Variants in AGO3 observed in about 807,000 individuals in gnomAD.
The protein encoded by AGO3 is argonaute RISC catalytic component 3.
A neutral mutation model predicts 105.5 loss-of-function variants in AGO3; 16 were observed. The observed-to-expected ratio is 0.15, with a 90% CI of 0.10 to 0.23. The LOEUF (loss-of-function observed/expected upper bound fraction) is 0.23, where lower values mean the gene tolerates loss of function less well. Among genes scored for constraint, AGO3 ranks in the 10% least tolerant of loss-of-function variants. The pLI is 1.00. For missense variants in AGO3, 534 were observed against 1,088.0 expected (o/e 0.49, Z 7.16); for synonymous variants, 340 against 367.3 (o/e 0.93, Z 0.85).
At position 36,056,437 on chromosome 1, in the gene AGO3, G is replaced by A. The variant is rs1021429250; in HGVS notation, c.*692G>A. Reference sequence around the variant, plus strand: ...ATTCAAATGTTGATGTATCTGGTTCGTTTGAATATAAAATATGGCAAACTA... The same window carrying A: ...ATTCAAATGTTGATGTATCTGGTTCATTTGAATATAAAATATGGCAAACTA... On this transcript the variant is annotated 3_prime_UTR_variant, in exon 19 of 19. Transcript: ENST00000373191. The A allele has an allele frequency of 2.6e-5, 4 of 151,794 alleles. No individual in the cohort carries two copies. Among genetic ancestry groups the A allele is most frequent in the African/African-American group, 7.3e-5 (3 of 41,262 alleles). 9.4% of individuals were successfully genotyped at this position (151,794 alleles called of 1,614,324 possible).
At chr1:35,993,896 C>T (rs1278373598) in intron 5 of AGO3, among the ~76,000 whole-genome samples, 4 of 151,352 alleles carry the variant, frequency 2.6e-5, no homozygotes, top group African/African-American at 9.7e-5. Flanking sequence ...TACAGGCATG[C>T]ACCACCATGC....
intron 1 of AGO3, among the ~76,000 whole-genome samples, chr1:35,932,876 A>G (rs867911266): frequency 3.3e-5 from 5 of 152,188 alleles, no homozygotes; most frequent in South Asian, 2.1e-4. Flanking sequence ...CCCTTTATTA[A>G]TCATCCCAAA....
chr1:35,973,108 A>G (rs1646897830), intron 4 of AGO3, among the ~76,000 whole-genome samples: 1 of 151,930 alleles, frequency 6.6e-6, no homozygotes, highest in Non-Finnish European at 1.5e-5. Flanking sequence ...GGAACTGTTA[A>G]CTTTTTAAAA....
chr1:35,947,073 C>T (rs1391709451), intron 2 of AGO3, among the ~76,000 whole-genome samples: 1 of 151,874 alleles, frequency 6.6e-6, no homozygotes, highest in East Asian at 1.9e-4. Flanking sequence ...TTTTGGTTAG[C>T]TGTAGTAAAA....
intron 3 of AGO3, 42 bp downstream of exon 3, chr1:35,967,117 GT>G (rs753558620): frequency 4.7e-5 from 74 of 1,585,710 alleles, no homozygotes; most frequent in Admixed American, 1.5e-4. Context: ...TATTTTTGAA[GT>G]GTCTCCTTTT....
At chr1:36,028,546 T>G (rs929243878) in intron 12 of AGO3, among the ~76,000 whole-genome samples, 2 of 151,632 alleles carry the variant, frequency 1.3e-5, no homozygotes, top group Non-Finnish European at 2.9e-5. Flanking sequence ...ATTTCCAATT[T>G]CATCCATGTC....
chr1:35,967,534 C>A (rs1034702099), intron 3 of AGO3, among the ~76,000 whole-genome samples: 1 of 152,000 alleles, frequency 6.6e-6, no homozygotes, highest in Non-Finnish European at 1.5e-5. Context: ...TGTACCTCAG[C>A]GTCCTGAGTA....
intron 11 of AGO3, among the ~76,000 whole-genome samples, chr1:36,025,422 AC>A (rs1254135242): frequency 1.2e-3 from 170 of 147,610 alleles, no homozygotes; most frequent in African/African-American, 4.2e-3. Flanking sequence ...AAAAAAAAAA[AC>A]AAAACCATTT....
At chr1:36,051,546 C>G (rs1232115958) in intron 17 of AGO3, among the ~76,000 whole-genome samples, 1 of 151,838 alleles carries the variant, frequency 6.6e-6, no homozygotes, top group Non-Finnish European at 1.5e-5. Flanking sequence ...ATAGTGAGAC[C>G]TCATCTCTAC....
In AGO3 at chr1:36,034,130, T is replaced by C. The variant is rs761798101; in HGVS notation, c.1592-44T>C. On this transcript the variant is annotated intron_variant, in intron 12 of 18. Transcript: ENST00000373191. ...TTATTTTCAGTATGTAAAATTATTT[T>C]CAGGTCTTTTTTTCTGACTAGAGGT... is the stretch of plus-strand genomic sequence containing the variant. 8.2e-6 allele frequency: 12 copies of C among 1,459,074 alleles called. 1 individual carries two copies. In the South Asian group the frequency reaches 1.8e-4, roughly 22 times the overall value. 90.4% of individuals were successfully genotyped at this position (1,459,074 alleles called of 1,614,324 possible).
chr1:36,013,506 A>G (rs2148818886), intron 9 of AGO3, 124 bp from the exon 10 acceptor site: 5 of 1,287,546 alleles, frequency 3.9e-6, no homozygotes, highest in South Asian at 1.4e-5. Context: ...TTAGAGCACC[A>G]TTGATTAGAC....
intron 5 of AGO3, among the ~76,000 whole-genome samples, chr1:36,002,524 G>A (rs1257249909): frequency 6.6e-6 from 1 of 151,666 alleles, no homozygotes; most frequent in East Asian, 1.9e-4. Flanking sequence ...TAGAGATGGG[G>A]TTTCACCATG....
chr1:35,957,666 C>T (rs916500962), intron 2 of AGO3, among the ~76,000 whole-genome samples: 2 of 152,026 alleles, frequency 1.3e-5, no homozygotes, highest in African/African-American at 4.8e-5. Context: ...GTGAAGGTTG[C>T]AGTGAGCAGA....
chr1:36,063,717 A>C lies in AGO3; in HGVS notation c.*7972A>C, dbSNP rs1643052205. Reference sequence around the variant, plus strand: ...GAATGTGAATAAATTGGAAGGCAGCAAAAAGCATGATTATAGAATATTAAG... The same window carrying C: ...GAATGTGAATAAATTGGAAGGCAGCCAAAAGCATGATTATAGAATATTAAG... On this transcript the variant is annotated 3_prime_UTR_variant, in exon 19 of 19. Coordinates refer to ENST00000373191, the MANE Select transcript of AGO3 (RefSeq NM_024852.4). 1 of 152,218 alleles carries C rather than the reference A, an allele frequency of 6.6e-6. No individual in the cohort carries two copies. The allele number at this position is 152,218 out of a possible 1,614,324, so 9.4% of individuals were successfully genotyped here. A position where few individuals can be genotyped will look rare whatever the true frequency, so the allele number is the denominator to read the frequency against.
At chr1:35,982,279 A>G (rs1647066378) in intron 5 of AGO3, among the ~76,000 whole-genome samples, 1 of 152,174 alleles carries the variant, frequency 6.6e-6, no homozygotes, top group Non-Finnish European at 1.5e-5. Context: ...AAATAAAGAA[A>G]TGATTTCTAA....
chr1:36,028,560 A>G (rs972445205), intron 12 of AGO3, among the ~76,000 whole-genome samples: 22 of 151,926 alleles, frequency 1.4e-4, no homozygotes, highest in African/African-American at 5.1e-4. Context: ...CCATGTCCCT[A>G]CAGAGGACAT....
At chr1:36,051,813 A>C (rs1187031165) in intron 17 of AGO3, among the ~76,000 whole-genome samples, 1 of 152,246 alleles carries the variant, frequency 6.6e-6, no homozygotes, top group South Asian at 2.1e-4. Flanking sequence ...AATTGAGACG[A>C]TCAAGAGGTA....
At chr1:36,052,708 T>C (rs1444439792) in intron 17 of AGO3, among the ~76,000 whole-genome samples, 1 of 152,126 alleles carries the variant, frequency 6.6e-6, no homozygotes, top group East Asian at 1.9e-4. Context: ...AAAAAGTTAA[T>C]AGTATCTTCT....
intron 2 of AGO3, among the ~76,000 whole-genome samples, chr1:35,956,873 C>T (rs749114931): frequency 6.6e-6 from 1 of 151,628 alleles, no homozygotes; most frequent in Non-Finnish European, 1.5e-5. Context: ...GTCTCAAACT[C>T]CTGAGCTCAG....
Sources: allele counts gnomAD v4.1 joint callset (sites outside exome capture counted in the v4.1 genomes callset), GRCh38; gene constraint gnomAD v4.1.1; transcripts MANE v1.5; gene names NCBI Gene and HGNC (gene_info 2026-07-23, HGNC 2026-07-21).